Variants in SNTG2 observed in about 807,000 individuals in gnomAD.
SNTG2 encodes the protein syntrophin gamma 2, also known as gamma-2-syntrophin.
A neutral mutation model predicts 70.9 loss-of-function variants in SNTG2; 74 were observed. That is an observed-to-expected ratio of 1.04 (90% confidence interval 0.86 to 1.27). The LOEUF (loss-of-function observed/expected upper bound fraction) is 1.27, where lower values mean the gene tolerates loss of function less well. SNTG2 is among the 50% of genes most tolerant of loss of function. The pLI, the probability that SNTG2 is intolerant of heterozygous loss-of-function variation, is 0.00. For synonymous variants in SNTG2, 278 were observed against 273.8 expected (o/e 1.02, Z -0.15); for missense variants, 717 against 690.7 (o/e 1.04, Z -0.43).
At chr2:1,162,295 G>A (rs1211039722) in intron 6 of SNTG2, among the ~76,000 whole-genome samples, 2 of 152,090 alleles carry the variant, frequency 1.3e-5, no homozygotes, top group Non-Finnish European at 2.9e-5. Flanking sequence ...GGGCAGGGAG[G>A]TGTCCACACA....
chr2:981,482 CAT>C (rs776994556), intron 1 of SNTG2, among the ~76,000 whole-genome samples: 72 of 150,466 alleles, frequency 4.8e-4, no homozygotes, highest in African/African-American at 1.5e-3. Context: ...CACACATGCA[CAT>C]GAGTGCACAT....
intron 15 of SNTG2, among the ~76,000 whole-genome samples, chr2:1,309,447 G>T (rs1313331698): frequency 6.6e-6 from 1 of 152,216 alleles, no homozygotes; most frequent in Non-Finnish European, 1.5e-5. Flanking sequence ...CCTAGGCAGG[G>T]TCTCCCAAAC....
intron 1 of SNTG2, among the ~76,000 whole-genome samples, chr2:1,063,946 C>A (rs1352875344): frequency 6.6e-6 from 1 of 152,036 alleles, no homozygotes; most frequent in Non-Finnish European, 1.5e-5. Flanking sequence ...CACTGGACCC[C>A]AAATAGCATA....
At chr2:1,295,056 A>G (rs1158200106) in intron 14 of SNTG2, among the ~76,000 whole-genome samples, 1 of 152,158 alleles carries the variant, frequency 6.6e-6, no homozygotes, top group Non-Finnish European at 1.5e-5. Flanking sequence ...CCCTGTGCGC[A>G]TGGAGTGCTG....
intron 4 of SNTG2, among the ~76,000 whole-genome samples, chr2:1,106,593 C>T (rs1456877600): frequency 1.5e-5 from 2 of 137,340 alleles, no homozygotes; most frequent in Non-Finnish European, 1.5e-5. Flanking sequence ...TAACAGTGGA[C>T]ACGTGCTGTC....
chr2:1,091,062 G>A (rs1664989016), intron 2 of SNTG2, among the ~76,000 whole-genome samples: 1 of 151,996 alleles, frequency 6.6e-6, no homozygotes, highest in Non-Finnish European at 1.5e-5. Context: ...CCCATCTCCT[G>A]CCCTGTTCAT....
At chr2:1,335,558 A>C (rs1659777739) in intron 16 of SNTG2, among the ~76,000 whole-genome samples, 1 of 152,118 alleles carries the variant, frequency 6.6e-6, no homozygotes, top group African/African-American at 2.4e-5. Flanking sequence ...AAACCAAGAA[A>C]ATTTCTAATT....
At chr2:1,138,032 A>T (rs1158875766) in intron 6 of SNTG2, among the ~76,000 whole-genome samples, 1 of 152,192 alleles carries the variant, frequency 6.6e-6, no homozygotes, top group African/African-American at 2.4e-5. Context: ...CCTGTCAGGG[A>T]TCCTCACAAA....
intron 1 of SNTG2, among the ~76,000 whole-genome samples, chr2:987,040 G>A (rs1001956981): frequency 1.3e-5 from 2 of 152,224 alleles, no homozygotes; most frequent in African/African-American, 4.8e-5. Flanking sequence ...AGCATGTGCT[G>A]GGTGCTTTGG....
chr2:1,028,532 G>A (rs1369828294), intron 1 of SNTG2, among the ~76,000 whole-genome samples: 3 of 152,190 alleles, frequency 2.0e-5, no homozygotes, highest in Admixed American at 2.0e-4. Context: ...TAGACGGGAG[G>A]CCTGGTGTCA....
chr2:1,316,410 AC>A (rs1340594691), intron 16 of SNTG2, 35 bp downstream of exon 16: 34 of 1,110,094 alleles, frequency 3.1e-5, no homozygotes, highest in Non-Finnish European at 4.1e-5. Flanking sequence ...TTCTGCCACC[AC>A]CCACACATAA....
rs573399526 is a variant in SNTG2 at position 1,141,378 on chromosome 2, G to A, written c.411+3569G>A. Among the ~76,000 whole-genome samples, 88 of 152,316 alleles carry A rather than the reference G, an allele frequency of 5.8e-4. 1 individual carries two copies. Among genetic ancestry groups the A allele is most frequent in the Non-Finnish European group, 1.0e-4 (7 of 68,032 alleles). On this transcript the variant is annotated intron_variant, in intron 6 of 16. Coordinates refer to ENST00000308624, the MANE Select transcript of SNTG2 (RefSeq NM_018968.4). ...CATTCAAAGGCAGGCTGTTTCTGGC[G>A]ATGTGTGCTAACAGCTAGAAACTGC...
intron 8 of SNTG2, among the ~76,000 whole-genome samples, chr2:1,187,300 G>C (rs1672307904): frequency 6.6e-6 from 1 of 152,172 alleles, no homozygotes; most frequent in African/African-American, 2.4e-5. Flanking sequence ...TTCTGTGAAG[G>C]TTTTTAGATG....
intron 9 of SNTG2, among the ~76,000 whole-genome samples, chr2:1,212,196 G>T (rs557512076): frequency 6.6e-5 from 10 of 152,244 alleles, no homozygotes; most frequent in African/African-American, 2.2e-4. Context: ...ATCTCCCTTG[G>T]TGCTGTGCTT....
chr2:1,034,195 C>T (rs910259872), intron 1 of SNTG2, among the ~76,000 whole-genome samples: 1 of 152,050 alleles, frequency 6.6e-6, no homozygotes, highest in Non-Finnish European at 1.5e-5. Context: ...TCATTTAGCT[C>T]CCACTTATAA....
chr2:1,215,946 G>A (rs934306767), intron 9 of SNTG2, among the ~76,000 whole-genome samples: 1 of 152,126 alleles, frequency 6.6e-6, no homozygotes, highest in Non-Finnish European at 1.5e-5. Context: ...TCTTAATCCA[G>A]TCTATCAGTG....
In SNTG2 at chr2:1,227,797, C is replaced by A. The variant is rs547852158; in HGVS notation, c.720-10091C>A. Among the ~76,000 whole-genome samples the A allele has an allele frequency of 2.0e-5, 3 of 152,302 alleles. No homozygotes were observed. In the South Asian group the frequency reaches 6.2e-4, roughly 32 times the overall value. On this transcript the variant is annotated intron_variant, in intron 9 of 16. Transcript: ENST00000308624. ...AACTTGTATAAAATATAAACAAGTTCCCTGGTGATTCTTCTGCTCATACTG... is the reference window on the plus strand; with the variant it reads ...AACTTGTATAAAATATAAACAAGTTACCTGGTGATTCTTCTGCTCATACTG...
At chr2:956,539 C>T (rs1156703514) in intron 1 of SNTG2, among the ~76,000 whole-genome samples, 2 of 152,230 alleles carry the variant, frequency 1.3e-5, no homozygotes, top group African/African-American at 4.8e-5. Flanking sequence ...CACCTGCCCC[C>T]GCAACCCATG....
chr2:1,120,797 C>T (rs1341154410), intron 4 of SNTG2, among the ~76,000 whole-genome samples: 1 of 151,890 alleles, frequency 6.6e-6, no homozygotes, highest in Non-Finnish European at 1.5e-5. Flanking sequence ...CATAGCAATA[C>T]AACAGTAATA....
Sources: allele counts gnomAD v4.1 joint callset (sites outside exome capture counted in the v4.1 genomes callset), GRCh38; gene constraint gnomAD v4.1.1; transcripts MANE v1.5; gene names NCBI Gene and HGNC (gene_info 2026-07-23, HGNC 2026-07-21).